Variants in CDYL observed in about 807,000 individuals in gnomAD.
CDYL encodes chromodomain Y like.
CDYL carries 8 observed loss-of-function variants against 47.3 expected under a neutral mutation model. The ratio of observed to expected loss-of-function variants is 0.17; its 90% CI spans 0.10 to 0.31. The LOEUF (loss-of-function observed/expected upper bound fraction) is 0.31, where lower values mean the gene tolerates loss of function less well. Among genes scored for constraint, CDYL ranks in the 10% least tolerant of loss-of-function variants. CDYL has a pLI of 1.00. For synonymous variants in CDYL, 266 were observed against 265.0 expected (o/e 1.00, Z -0.04); for missense variants, 471 against 701.4 (o/e 0.67, Z 3.71).
intron 2 of CDYL, among the ~76,000 whole-genome samples, chr6:4,732,104 A>C (rs577792356): frequency 1.3e-5 from 2 of 151,988 alleles, no homozygotes; most frequent in South Asian, 4.2e-4. Context: ...GGAGGCTGAG[A>C]CAGGAGGATC....
chr6:4,787,704 G>T (rs574831582), intron 1 of CDYL, among the ~76,000 whole-genome samples: 10 of 151,498 alleles, frequency 6.6e-5, no homozygotes, highest in African/African-American at 1.9e-4. Context: ...AGGCAGCTGG[G>T]AGAGAAGGAG....
intron 2 of CDYL, among the ~76,000 whole-genome samples, chr6:4,893,317 C>T (rs947670277): frequency 7.2e-5 from 11 of 152,210 alleles, no homozygotes; most frequent in Non-Finnish European, 5.9e-5. Context: ...CAGGGCCGCA[C>T]GTGGTCCCTT....
At chr6:4,755,044 T>TG (rs552996728) in intron 3 of CDYL, among the ~76,000 whole-genome samples, 239 of 151,996 alleles carry the variant, frequency 1.6e-3, no homozygotes, top group African/African-American at 5.3e-3. Context: ...TTGTTGTTGT[T>TG]TTTTGTTTTT....
chr6:4,743,386 A>G (rs1418419661), intron 3 of CDYL, among the ~76,000 whole-genome samples: 3 of 152,222 alleles, frequency 2.0e-5, no homozygotes, highest in African/African-American at 4.8e-5. Flanking sequence ...TTACAAAGCT[A>G]TGTTTCCTTC....
rs149942370 is a variant in CDYL at position 4,889,783 on chromosome 6, C to G, written c.25-1930C>G. ...TATGTAAAGTTTGCCAACTCCTGGT[C>G]TAATGTGTCCACTATGACTTCCTTA... On this transcript the variant is annotated intron_variant, in intron 1 of 6. Transcript: ENST00000397588. Among the ~76,000 whole-genome samples the G allele has an allele frequency of 9.1e-4, 138 of 152,342 alleles. 1 individual carries two copies. Among genetic ancestry groups the G allele is most frequent in the Non-Finnish European group, 1.2e-3 (79 of 68,036 alleles).
exon 3 of CDYL, chr6:4,734,792 G>C (rs1296703993): frequency 2.5e-6 from 4 of 1,614,048 alleles, no homozygotes; most frequent in Admixed American, 1.7e-5. Flanking sequence ...TCAGACCCCA[G>C]CATCTCCGTG....
chr6:4,830,664 A>T (rs1226173547), intron 1 of CDYL, among the ~76,000 whole-genome samples: 2 of 152,032 alleles, frequency 1.3e-5, no homozygotes, highest in Non-Finnish European at 2.9e-5. Flanking sequence ...CAGGTTAGTG[A>T]CATATGTATA....
chr6:4,798,318 C>G (rs545246686), intron 1 of CDYL, among the ~76,000 whole-genome samples: 1 of 152,176 alleles, frequency 6.6e-6, no homozygotes, highest in African/African-American at 2.4e-5. Flanking sequence ...GGGATAAGTT[C>G]TTGGTATTCA....
intron 2 of CDYL, among the ~76,000 whole-genome samples, chr6:4,895,105 A>G (rs1353605597): frequency 6.6e-6 from 1 of 151,360 alleles, no homozygotes; most frequent in Non-Finnish European, 1.5e-5. Context: ...ATGTGTGTAT[A>G]TGTATCTATA....
At chr6:4,889,689 T>C (rs808615) in intron 1 of CDYL, among the ~76,000 whole-genome samples, 66,826 of 152,066 alleles carry the variant, frequency 0.44, 17,116 homozygotes, top group African/African-American at 0.72. Context: ...TTCCTTGCTA[T>C]AAGAACAGGG....
intron 1 of CDYL, among the ~76,000 whole-genome samples, chr6:4,866,288 A>G (rs1761320284): frequency 6.6e-6 from 1 of 152,196 alleles, no homozygotes; most frequent in African/African-American, 2.4e-5. Context: ...TAAAGAGAAG[A>G]ACAGAAAATA....
chr6:4,907,501 C>T (rs1324294706), intron 2 of CDYL, among the ~76,000 whole-genome samples: 1 of 152,080 alleles, frequency 6.6e-6, no homozygotes, highest in East Asian at 1.9e-4. Flanking sequence ...GGACTGCAGG[C>T]GTGCACCACC....
chr6:4,926,526 T>C (rs1413419503), intron 2 of CDYL, among the ~76,000 whole-genome samples: 1 of 152,214 alleles, frequency 6.6e-6, no homozygotes, highest in Non-Finnish European at 1.5e-5. Context: ...ATTAGACAAT[T>C]CTAAACTAAA....
At position 4,900,811 on chromosome 6, in the gene CDYL, A is replaced by ATCTATATC. The variant is rs1757019772; in HGVS notation, c.691+8433_691+8434insCTATATCT. Among the ~76,000 whole-genome samples, 7 of 109,188 alleles carry ATCTATATC rather than the reference A, an allele frequency of 6.4e-5. 1 individual carries two copies. Among genetic ancestry groups the ATCTATATC allele is most frequent in the African/African-American group, 2.3e-4 (6 of 26,080 alleles). 71.6% of individuals were successfully genotyped at this position (109,188 alleles called of 152,430 possible). ...TATATATATATATATATATATATAT[A>ATCTATATC]TATATATATATATATATATCTTGCC... On this transcript the variant is annotated intron_variant, in intron 2 of 6. Transcript: ENST00000397588.
At chr6:4,837,198 C>T (rs1048942295) in intron 1 of CDYL, among the ~76,000 whole-genome samples, 10 of 152,182 alleles carry the variant, frequency 6.6e-5, no homozygotes, top group African/African-American at 2.2e-4. Flanking sequence ...TAATTTGCTT[C>T]TGTGTACATT....
chr6:4,707,695 T>C lies in CDYL; in HGVS notation c.-39+1444T>C, dbSNP rs77003713. Among the ~76,000 whole-genome samples the C allele has an allele frequency of 9.6e-4, 147 of 152,362 alleles. 1 individual carries two copies. The highest frequency in any genetic ancestry group is 3.5e-3 in the African/African-American group (144 of 41,592). On this transcript the variant is annotated intron_variant, in intron 1 of 8. Coordinates refer to the CDYL transcript ENST00000328908. ...CATTTTATCATATGCGGATAGTACC[T>C]AATTTAAAAGTTAAGCTGATCCTCA... is the stretch of plus-strand genomic sequence containing the variant.
At chr6:4,748,581 A>AG (rs1757935457) in intron 3 of CDYL, among the ~76,000 whole-genome samples, 1 of 150,922 alleles carries the variant, frequency 6.6e-6, no homozygotes, top group Non-Finnish European at 1.5e-5. Flanking sequence ...ACACGGGGGT[A>AG]GGGGTAGGAG....
intron 1 of CDYL, among the ~76,000 whole-genome samples, chr6:4,877,184 A>C (rs1429079185): frequency 1.3e-5 from 2 of 152,222 alleles, no homozygotes; most frequent in Non-Finnish European, 2.9e-5. Context: ...ACCAAGACAG[A>C]AGTTGGTACT....
Position 4,937,707 on chromosome 6 carries a change from G to A in CDYL, c.1091G>A (p.Arg364Lys). The A allele has an allele frequency of 6.2e-7, 1 of 1,609,200 alleles. No homozygotes were observed. The part of the protein sequence containing the change: ...FIRRLTDDRK[R>K]ESTKMAEAIR... Reference sequence around the variant, plus strand: ...CGACGTCTGACAGATGACAGGAAAAGAGAAAGCACTAAAATGGCAGAAGCT... The same window carrying A: ...CGACGTCTGACAGATGACAGGAAAAAAGAAAGCACTAAAATGGCAGAAGCT... Residue 364 changes from arginine (R) to lysine (K), a missense_variant, in exon 4 of 7, where the codon AGA becomes AAA. Around this residue, in one of 3 missense-constraint regions of CDYL, gnomAD observed 103 missense variants for 277.1 expected, o/e 0.37. Transcript: ENST00000397588.
Sources: allele counts gnomAD v4.1 joint callset (sites outside exome capture counted in the v4.1 genomes callset), GRCh38; gene constraint gnomAD v4.1.1; regional missense constraint gnomAD v4.1.1; transcripts MANE v1.5; gene names NCBI Gene and HGNC (gene_info 2026-07-23, HGNC 2026-07-21).